Variants in UNC79 observed in about 807,000 individuals in gnomAD.
UNC79 encodes the protein protein unc-79 homolog.
In UNC79, 37 loss-of-function variants were observed where a neutral mutation model predicts 283.1. The ratio of observed to expected loss-of-function variants is 0.13; its 90% CI spans 0.10 to 0.17. The LOEUF (loss-of-function observed/expected upper bound fraction) is 0.17. Among genes scored for constraint, UNC79 ranks in the 10% least tolerant of loss-of-function variants. The pLI is 1.00. For missense variants in UNC79, 2,272 were observed against 3,211.1 expected (o/e 0.71, Z 7.07); for synonymous variants, 1,107 against 1,200.2 (o/e 0.92, Z 1.61).
intron 30 of UNC79, among the ~76,000 whole-genome samples, chr14:93,628,857 T>G (rs1294374959): frequency 6.6e-6 from 1 of 152,196 alleles, no homozygotes; most frequent in Non-Finnish European, 1.5e-5. Flanking sequence ...ACCGACCTTC[T>G]TACAGCAAGA....
chr14:93,380,345 A>G (rs1319895251), intron 1 of UNC79, among the ~76,000 whole-genome samples: 1 of 152,190 alleles, frequency 6.6e-6, no homozygotes, highest in African/African-American at 2.4e-5. Context: ...GCCTTCCCCC[A>G]TTTCCCATCC....
At chr14:93,362,541 G>C (rs552263016) in intron 1 of UNC79, among the ~76,000 whole-genome samples, 1 of 152,218 alleles carries the variant, frequency 6.6e-6, no homozygotes, top group South Asian at 2.1e-4. Context: ...TAGAAATGGG[G>C]TTTTACCATG....
intron 4 of UNC79, among the ~76,000 whole-genome samples, chr14:93,485,402 T>A (rs776581208): frequency 7.9e-5 from 12 of 151,934 alleles, no homozygotes; most frequent in Non-Finnish European, 1.6e-4. Context: ...TAATAGTACT[T>A]CTCAAAGAGT....
chr14:93,494,511 A>G (rs2058926916), intron 5 of UNC79, among the ~76,000 whole-genome samples: 1 of 152,160 alleles, frequency 6.6e-6, no homozygotes, highest in African/African-American at 2.4e-5. Flanking sequence ...GGAGCTGGTA[A>G]TTAGGTAGTT....
At chr14:93,577,349 G>A (rs2063532862) in intron 17 of UNC79, among the ~76,000 whole-genome samples, 1 of 152,208 alleles carries the variant, frequency 6.6e-6, no homozygotes, top group South Asian at 2.1e-4. Flanking sequence ...TGGGGGTTGG[G>A]TGGACAAATG....
intron 17 of UNC79, among the ~76,000 whole-genome samples, chr14:93,577,585 T>C (rs2063546737): frequency 1.3e-5 from 2 of 152,260 alleles, no homozygotes; most frequent in South Asian, 2.1e-4. Context: ...TTTGATGGGT[T>C]GAAAAATGTA....
exon 4 of UNC79, chr14:93,477,652 G>A (rs61992606): frequency 0.32 from 516,974 of 1,611,724 alleles, 86,287 homozygotes; most frequent in East Asian, 0.64. Flanking sequence ...TGATATCAAC[G>A]TTGGCTACCT....
intron 12 of UNC79, among the ~76,000 whole-genome samples, chr14:93,538,881 T>C (rs1316733814): frequency 6.6e-6 from 1 of 151,066 alleles, no homozygotes; most frequent in East Asian, 2.0e-4. Flanking sequence ...AGAGGCAAGA[T>C]TTTTTGTTTG....
At chr14:93,582,710 G>A (rs1011800792) in intron 20 of UNC79, among the ~76,000 whole-genome samples, 1 of 152,166 alleles carries the variant, frequency 6.6e-6, no homozygotes, top group African/African-American at 2.4e-5. Flanking sequence ...GGGCTCTGGC[G>A]GTTGGGCTGT....
chr14:93,595,264 A>G (rs1183329504), intron 23 of UNC79, among the ~76,000 whole-genome samples: 2 of 151,314 alleles, frequency 1.3e-5, no homozygotes, highest in African/African-American at 2.4e-5. Context: ...TAATTTTTGT[A>G]TTTTTACTAG....
At chr14:93,513,328 C>T (rs1320341235) in intron 7 of UNC79, among the ~76,000 whole-genome samples, 3 of 151,776 alleles carry the variant, frequency 2.0e-5, no homozygotes. Flanking sequence ...ATCAAGTGAT[C>T]TTCCCACCTC....
At chr14:93,675,236 T>C (rs953507265) in intron 41 of UNC79, among the ~76,000 whole-genome samples, 5 of 152,186 alleles carry the variant, frequency 3.3e-5, no homozygotes, top group African/African-American at 1.2e-4. Context: ...AGGCATATCC[T>C]GATAATGTGC....
chr14:93,339,084 G>T (rs1188935436), intron 1 of UNC79, among the ~76,000 whole-genome samples: 2 of 152,132 alleles, frequency 1.3e-5, no homozygotes, highest in Non-Finnish European at 2.9e-5. Flanking sequence ...GAAAATGGAG[G>T]TGAGGTACTA....
At chr14:93,498,075 G>A (rs772155413) in intron 7 of UNC79, among the ~76,000 whole-genome samples, 4 of 151,820 alleles carry the variant, frequency 2.6e-5, no homozygotes, top group East Asian at 3.9e-4. Flanking sequence ...TGGGCGGTTC[G>A]CCTGAGGTCC....
At chr14:93,664,822 G>A (rs1207452929) in intron 40 of UNC79, among the ~76,000 whole-genome samples, 2 of 152,094 alleles carry the variant, frequency 1.3e-5, no homozygotes, top group Non-Finnish European at 2.9e-5. Flanking sequence ...TCTGGCAGAA[G>A]CAAGATCAAA....
intron 32 of UNC79, among the ~76,000 whole-genome samples, chr14:93,640,872 C>T (rs987489988): frequency 6.6e-6 from 1 of 152,104 alleles, no homozygotes; most frequent in African/African-American, 2.4e-5. Context: ...TGTCTTTGGA[C>T]CCTGCTGGCA....
chr14:93,348,045 T>TG lies in UNC79; in HGVS notation c.-351+14523dup, dbSNP rs2053903384. ...TCTTCCAGGAAATGGCTGTTGGACTTGTGGTGTTTTTTACGACCTTCTTAA... is the reference window on the plus strand; with the variant it reads ...TCTTCCAGGAAATGGCTGTTGGACTTGGTGGTGTTTTTTACGACCTTCTTAA... On this transcript the variant is annotated intron_variant, in intron 1 of 49. Transcript: ENST00000256339. 1.2e-5 allele frequency: 20 copies of TG among 1,610,310 alleles called. No homozygotes were observed. The East Asian group carries it at 4.5e-4, about 36-fold the overall frequency.
At position 93,430,761 on chromosome 14, in the gene UNC79, A is replaced by C. The variant is rs986964998; in HGVS notation, c.-269A>C. ...TCTCCCCGCCCACATCAACGCGGGC[A>C]GCTCCAGGAGGGGACGGACAGGAAG... On this transcript the variant is annotated 5_prime_UTR_variant, in exon 1 of 49. Coordinates refer to ENST00000555664, the Ensembl canonical transcript of UNC79. This position sits in a 1 kb window ranked among gnomAD's most constrained non-coding sequence, Gnocchi z 4.6. 1.6e-5 allele frequency: 6 copies of C among 366,340 alleles called. No homozygotes were observed. Among genetic ancestry groups the C allele is most frequent in the Non-Finnish European group, 3.1e-5 (6 of 194,562 alleles). 22.7% of individuals were successfully genotyped at this position (366,340 alleles called of 1,614,324 possible). A position where few individuals can be genotyped will look rare whatever the true frequency, so the allele number is the denominator to read the frequency against.
chr14:93,572,706 A>G (rs1244408896), exon 16 of UNC79: 2 of 1,613,982 alleles, frequency 1.2e-6, no homozygotes, highest in Non-Finnish European at 1.7e-6. Flanking sequence ...AATGTTTGAC[A>G]TTGAACTCTG....
Sources: gnomAD v4.1 joint callset for allele counts (sites outside exome capture counted in the v4.1 genomes callset) on GRCh38, gnomAD v4.1.1 for gene constraint, Gnocchi (gnomAD v3.1) non-coding constraint, MANE v1.5 for transcripts, NCBI Gene and HGNC (gene_info 2026-07-23, HGNC 2026-07-21) for gene names.